Variants in CNNM4 observed in about 807,000 individuals in gnomAD.
CNNM4 encodes the protein metal transporter CNNM4.
In CNNM4, 32 loss-of-function variants were observed where a neutral mutation model predicts 53.7. The observed-to-expected ratio is 0.60, with a 90% CI of 0.45 to 0.80. The LOEUF is 0.80. Ranked by LOEUF, CNNM4 falls within the 30% of genes least tolerant of loss-of-function variation. The pLI is 0.00. For missense variants in CNNM4, 784 were observed against 1,022.0 expected, an observed-to-expected ratio of 0.77 and a Z score of 3.17; for synonymous variants, 410 against 440.0, an observed-to-expected ratio of 0.93 and a Z score of 0.85.
intron 1 of CNNM4, 35 bp from the exon 2 acceptor site, chr2:96,796,977 T>C (rs1287248208): frequency 6.2e-7 from 1 of 1,610,490 alleles, no homozygotes; most frequent in Non-Finnish European, 8.5e-7. Flanking sequence ...GACTGGCCTC[T>C]GGGCTCTTGT....
At chr2:96,764,498 C>T (rs1202802162) in intron 1 of CNNM4, among the ~76,000 whole-genome samples, 2 of 152,032 alleles carry the variant, frequency 1.3e-5, no homozygotes, top group Non-Finnish European at 1.5e-5. Flanking sequence ...TACCCACCCC[C>T]GACAAATGAA....
rs368363222 is a variant in CNNM4 at position 96,799,803 on chromosome 2, C to T, written c.1948+155C>T. Among the ~76,000 whole-genome samples, 337 of 151,976 alleles carry T rather than the reference C, an allele frequency of 2.2e-3. 2 individuals are homozygous for T. Among genetic ancestry groups the T allele is most frequent in the African/African-American group, 6.7e-3 (279 of 41,454 alleles). ...AGGCGGGAGCCGCCAGGGCCTGGAG[C>T]GGGTGGTGTGGAAGAGCAGAGGGAG... On this transcript the variant is annotated intron_variant, in intron 5 of 6. Transcript: ENST00000377075.
intron 1 of CNNM4, among the ~76,000 whole-genome samples, chr2:96,787,038 C>T (rs892494442): frequency 3.9e-5 from 6 of 152,120 alleles, no homozygotes; most frequent in African/African-American, 1.2e-4. Flanking sequence ...AGTGAATCAC[C>T]GTCTCTTGAG....
rs1490126421 is a variant in CNNM4, at chr2:96,800,865, C to T, written c.1948+1217C>T. On this transcript the variant is annotated intron_variant, in intron 5 of 6. Coordinates refer to ENST00000377075, the MANE Select transcript of CNNM4 (RefSeq NM_020184.4). The surrounding 1 kb of genome is among the most constrained non-coding windows in gnomAD (Gnocchi z 4.6). ...CCAGAAGAGAGGGGAGATGACTGGG[C>T]ACACTCAGCCAGCTTCTGCCTGTCT... is the stretch of plus-strand genomic sequence containing the variant. 6.8e-6 allele frequency among the ~76,000 whole-genome samples: 1 copy of T among 147,156 alleles called. No individual in the cohort carries two copies. Among genetic ancestry groups the T allele is most frequent in the Non-Finnish European group, 1.5e-5 (1 of 68,028 alleles).
At chr2:96,794,166 G>T (rs1029099723) in intron 1 of CNNM4, among the ~76,000 whole-genome samples, 3 of 152,070 alleles carry the variant, frequency 2.0e-5, no homozygotes, top group African/African-American at 7.2e-5. Flanking sequence ...CCTGGGGCTC[G>T]ATCTGTGGCA....
At chr2:96,772,534 C>T (rs1226180730) in intron 1 of CNNM4, among the ~76,000 whole-genome samples, 1 of 133,732 alleles carries the variant, frequency 7.5e-6, no homozygotes, top group Non-Finnish European at 1.6e-5. Context: ...GGCAGGCACT[C>T]ACACACACAT....
chr2:96,767,137 G>A (rs1436388745), intron 1 of CNNM4, among the ~76,000 whole-genome samples: 1 of 152,150 alleles, frequency 6.6e-6, no homozygotes, highest in Non-Finnish European at 1.5e-5. Context: ...GCAGAGGTAG[G>A]GGCCGAGTGT....
In CNNM4 at chr2:96,808,497, G is replaced by A; in HGVS notation, c.1949-64G>A. On this transcript the variant is annotated intron_variant, in intron 5 of 6. Coordinates refer to ENST00000377075, the MANE Select transcript of CNNM4 (RefSeq NM_020184.4). This position sits in a 1 kb window ranked among gnomAD's most constrained non-coding sequence, Gnocchi z 4.9. ...CCTGGGCTTCCATGGGATGAGGTGAGACATGAGGGTGAGAGTGGGCATCGG... is the reference window on the plus strand; with the variant it reads ...CCTGGGCTTCCATGGGATGAGGTGAAACATGAGGGTGAGAGTGGGCATCGG... The A allele has an allele frequency of 1.3e-6, 2 of 1,562,178 alleles. No homozygotes were observed. The highest frequency in any genetic ancestry group is 2.2e-5 in the South Asian group (2 of 89,548).
chr2:96,764,603 G>A (rs769763954), intron 1 of CNNM4, among the ~76,000 whole-genome samples: 4 of 152,152 alleles, frequency 2.6e-5, no homozygotes, highest in Non-Finnish European at 5.9e-5. Context: ...TCCCTGCAGC[G>A]TGGCCTCTTC....
chr2:96,799,781 CGGGAG>C, intron 5 of CNNM4, 133 bp downstream of exon 5: 1 of 806,630 alleles, frequency 1.2e-6, no homozygotes, highest in Non-Finnish European at 2.1e-6. Context: ...GCTGGTGAGG[CGGGAG>C]CCGCCAGGGC....
chr2:96,795,210 T>C (rs933975574), intron 1 of CNNM4, among the ~76,000 whole-genome samples: 9 of 152,248 alleles, frequency 5.9e-5, no homozygotes, highest in Admixed American at 5.2e-4. Flanking sequence ...GCACTGTCTT[T>C]CTGGAGGGCA....
At chr2:96,763,794 G>T (rs1574048783) in intron 1 of CNNM4, among the ~76,000 whole-genome samples, 1 of 151,792 alleles carries the variant, frequency 6.6e-6, no homozygotes, top group Non-Finnish European at 1.5e-5. Flanking sequence ...AGTAAAGTAA[G>T]CCAGAGTCTG....
intron 1 of CNNM4, among the ~76,000 whole-genome samples, chr2:96,793,686 G>A (rs1481016184): frequency 6.6e-6 from 1 of 152,192 alleles, no homozygotes; most frequent in African/African-American, 2.4e-5. Flanking sequence ...CTGCCAGGCC[G>A]GGCGCGGTGG....
At chr2:96,772,332 A>G (rs2078881045) in intron 1 of CNNM4, among the ~76,000 whole-genome samples, 1 of 134,614 alleles carries the variant, frequency 7.4e-6, no homozygotes, top group African/African-American at 2.9e-5. Flanking sequence ...GCGCACACAC[A>G]CTCATACCCC....
chr2:96,774,870 A>G (rs562607499), intron 1 of CNNM4, among the ~76,000 whole-genome samples: 82 of 145,184 alleles, frequency 5.6e-4, no homozygotes, highest in African/African-American at 2.0e-3. Flanking sequence ...CTGAGGCAGG[A>G]GATTCGCTTG....
chr2:96,777,907 C>T (rs937830296), intron 1 of CNNM4, among the ~76,000 whole-genome samples: 1 of 151,458 alleles, frequency 6.6e-6, no homozygotes, highest in African/African-American at 2.4e-5. Context: ...TGCTTTGTCA[C>T]CCAGGCTGGA....
rs1376873890 is a variant in CNNM4, at chr2:96,809,337, C to T, written c.2148C>T (p.Tyr716=). Reference sequence around the variant, plus strand: ...TCATGCAGATCACTCGGCAGCAGTACCAGAACGGGCTGCTGGCTTCTCGCA... The same window carrying T: ...TCATGCAGATCACTCGGCAGCAGTATCAGAACGGGCTGCTGGCTTCTCGCA... The part of the protein sequence containing the change: ...LQYIKITRQQ[Y]QNGLLASRME... The change falls in exon 7 of 7, where the codon TAC becomes TAT. Residue 716 remains tyrosine, a synonymous_variant. Transcript: ENST00000377075. 2 of 1,614,138 alleles carry T rather than the reference C, an allele frequency of 1.2e-6. No homozygotes were observed. The highest frequency in any genetic ancestry group is 1.3e-5 in the African/African-American group (1 of 75,034).
chr2:96,771,418 AG>A (rs2078868434), intron 1 of CNNM4, among the ~76,000 whole-genome samples: 3 of 152,160 alleles, frequency 2.0e-5, no homozygotes, highest in Admixed American at 2.0e-4. Context: ...TATAACAAAC[AG>A]CATGGCTGGA....
At chr2:96,762,624 C>G (rs1285477154) in intron 1 of CNNM4, among the ~76,000 whole-genome samples, 1 of 152,102 alleles carries the variant, frequency 6.6e-6, no homozygotes, top group African/African-American at 2.4e-5. Flanking sequence ...TGAATCAAAG[C>G]TGAATAAGAC....
Sources: gnomAD v4.1 joint callset for allele counts (sites outside exome capture counted in the v4.1 genomes callset) on GRCh38, gnomAD v4.1.1 for gene constraint, Gnocchi (gnomAD v3.1) non-coding constraint, MANE v1.5 for transcripts, NCBI Gene and HGNC (gene_info 2026-07-23, HGNC 2026-07-21) for gene names.